Variants in ABCG2 observed in about 807,000 individuals in gnomAD.
The protein encoded by ABCG2 is broad substrate specificity ATP-binding cassette transporter ABCG2.
In ABCG2, 80 loss-of-function variants were observed where a neutral mutation model predicts 73.5. The ratio of observed to expected loss-of-function variants is 1.09; its 90% CI spans 0.91 to 1.31. The LOEUF (loss-of-function observed/expected upper bound fraction) is 1.31, where lower values mean the gene tolerates loss of function less well. Among genes scored for constraint, ABCG2 ranks in the 50% most tolerant of loss-of-function variants. The pLI is 0.00. For synonymous variants in ABCG2, 269 were observed against 282.4 expected (o/e 0.95, Z 0.48); for missense variants, 796 against 786.2 (o/e 1.01, Z -0.15).
chr4:88,206,898 C>T (rs1729401953), intron 1 of ABCG2, among the ~76,000 whole-genome samples: 1 of 152,226 alleles, frequency 6.6e-6, no homozygotes, highest in African/African-American at 2.4e-5. Context: ...AGAAAAGTTC[C>T]CCAAGTCCCC....
chr4:88,113,755 G>A (rs1723314552), intron 8 of ABCG2, among the ~76,000 whole-genome samples: 1 of 152,012 alleles, frequency 6.6e-6, no homozygotes, highest in Non-Finnish European at 1.5e-5. Flanking sequence ...GAGGTCAGGA[G>A]TTCGAGACCA....
At chr4:88,196,723 G>C (rs1214452000) in intron 1 of ABCG2, among the ~76,000 whole-genome samples, 3 of 150,390 alleles carry the variant, frequency 2.0e-5, no homozygotes, top group Non-Finnish European at 4.4e-5. Flanking sequence ...ATACCGAAAA[G>C]ATCATTTCTG....
At chr4:88,104,730 G>A (rs28665233) in intron 10 of ABCG2, among the ~76,000 whole-genome samples, 7,389 of 151,824 alleles carry the variant, frequency 0.049, 423 homozygotes, top group African/African-American at 0.14. Context: ...CAAAGCTGCA[G>A]TGAGCTATGA....
At chr4:88,202,445 C>T (rs1395797621) in intron 1 of ABCG2, among the ~76,000 whole-genome samples, 4 of 145,198 alleles carry the variant, frequency 2.8e-5, no homozygotes, top group African/African-American at 1.0e-4. Context: ...GTCACACAAC[C>T]AGGAAAGATT....
chr4:88,178,626 T>C (rs1186439696), intron 1 of ABCG2, among the ~76,000 whole-genome samples: 1 of 152,206 alleles, frequency 6.6e-6, no homozygotes, highest in Non-Finnish European at 1.5e-5. Flanking sequence ...TTGGGGTCCC[T>C]GATTCCAGGC....
intron 1 of ABCG2, among the ~76,000 whole-genome samples, chr4:88,176,252 C>T (rs779000511): frequency 1.3e-5 from 2 of 151,778 alleles, no homozygotes; most frequent in Non-Finnish European, 2.9e-5. Flanking sequence ...GCCTTGGCCT[C>T]ACAAAATGCT....
intron 1 of ABCG2, among the ~76,000 whole-genome samples, chr4:88,150,259 G>C (rs1190802668): frequency 6.6e-6 from 1 of 152,206 alleles, no homozygotes; most frequent in Non-Finnish European, 1.5e-5. Flanking sequence ...AGAGATTGCA[G>C]TGAGCCAAGG....
At chr4:88,098,599 A>AGT (rs111862467) in intron 12 of ABCG2, among the ~76,000 whole-genome samples, 2,348 of 144,166 alleles carry the variant, frequency 0.016, 62 homozygotes, top group African/African-American at 0.059. Context: ...TATATCTCTA[A>AGT]GTGTGTGTGT....
chr4:88,106,104 G>A (rs1475924717), intron 10 of ABCG2, among the ~76,000 whole-genome samples: 1 of 152,076 alleles, frequency 6.6e-6, no homozygotes, highest in Non-Finnish European at 1.5e-5. Flanking sequence ...GTATATATCC[G>A]AAGAATTGAA....
chr4:88,218,801 G>T (rs1241313495), intron 1 of ABCG2, among the ~76,000 whole-genome samples: 1 of 152,210 alleles, frequency 6.6e-6, no homozygotes, highest in Non-Finnish European at 1.5e-5. Context: ...GAGAAGAGTA[G>T]ACAATATCTC....
At chr4:88,187,447 T>C (rs192578965) in intron 1 of ABCG2, among the ~76,000 whole-genome samples, 73 of 151,696 alleles carry the variant, frequency 4.8e-4, no homozygotes, top group African/African-American at 1.6e-3. Context: ...ACCCCATCTC[T>C]ACTAAAAATA....
In ABCG2 at chr4:88,152,775, A is replaced by G. The variant is rs538588994; in HGVS notation, c.-20+5611T>C. On this transcript the variant is annotated intron_variant, in intron 1 of 15. Coordinates refer to ENST00000237612, the MANE Select transcript of ABCG2 (RefSeq NM_004827.3). ...AAGAAAAATAAAACAAAATAGTGGT[A>G]AAGTGTTGGGGTGGTGAAAATTTTT... is the stretch of plus-strand genomic sequence containing the variant. 7.4e-4 allele frequency among the ~76,000 whole-genome samples: 113 copies of G among 152,180 alleles called. 6 individuals carry two copies. In the South Asian group the frequency reaches 0.02, roughly 26 times the overall value.
intron 3 of ABCG2, 141 bp downstream of exon 3, chr4:88,132,435 A>T: frequency 1.2e-6 from 1 of 815,240 alleles, no homozygotes; most frequent in Non-Finnish European, 2.0e-6. Flanking sequence ...ACGCAACTAC[A>T]GTTATCCACA....
At chr4:88,223,262 G>A (rs1360864507) in intron 1 of ABCG2, among the ~76,000 whole-genome samples, 1 of 152,152 alleles carries the variant, frequency 6.6e-6, no homozygotes, top group Non-Finnish European at 1.5e-5. Flanking sequence ...TTTAAAATGT[G>A]AGGACATGAG....
At chr4:88,191,099 G>C (rs1728670446) in intron 1 of ABCG2, among the ~76,000 whole-genome samples, 2 of 151,116 alleles carry the variant, frequency 1.3e-5, no homozygotes, top group South Asian at 4.2e-4. Context: ...AAAAAAATTA[G>C]CCAGGCATTG....
intron 14 of ABCG2, 24 bp from the exon 15 acceptor site, chr4:88,094,683 C>T (rs1204655644): frequency 1.3e-6 from 2 of 1,575,792 alleles, no homozygotes; most frequent in Non-Finnish European, 1.7e-6. Flanking sequence ...GGGAGCAGGG[C>T]AAGGTAAACA....
chr4:88,135,203 C>T (rs1029224896), intron 2 of ABCG2, among the ~76,000 whole-genome samples: 5 of 152,128 alleles, frequency 3.3e-5, no homozygotes, highest in Admixed American at 2.6e-4. Flanking sequence ...CTCCACCCTT[C>T]TATCATCCCT....
At chr4:88,191,171 G>A (rs2110107293) in intron 1 of ABCG2, among the ~76,000 whole-genome samples, 1 of 148,746 alleles carries the variant, frequency 6.7e-6, no homozygotes, top group East Asian at 2.0e-4. Flanking sequence ...CGTGAACCCA[G>A]GAGGCTGGAG....
intron 1 of ABCG2, among the ~76,000 whole-genome samples, chr4:88,227,978 T>C (rs1442611253): frequency 3.9e-5 from 6 of 152,118 alleles, no homozygotes; most frequent in African/African-American, 9.7e-5. Flanking sequence ...CTTTGGCAAA[T>C]TGCTTCACTG....
Sources: gnomAD v4.1 joint callset for allele counts (sites outside exome capture counted in the v4.1 genomes callset) on GRCh38, gnomAD v4.1.1 for gene constraint, MANE v1.5 for transcripts, NCBI Gene and HGNC (gene_info 2026-07-23, HGNC 2026-07-21) for gene names.